Variants in SNX24 observed in about 807,000 individuals in gnomAD.
SNX24 encodes the protein sorting nexin-24.
SNX24 carries 22 observed loss-of-function variants against 28.7 expected under a neutral mutation model. That is an observed-to-expected ratio of 0.77 (90% confidence interval 0.55 to 1.10). The LOEUF is 1.10. Ranked by LOEUF, SNX24 falls within the 50% of genes least tolerant of loss-of-function variation. The probability of loss-of-function intolerance (pLI) is 0.00; values close to 1 mark genes in which losing one functional copy is unlikely to be tolerated. For synonymous variants in SNX24, 69 were observed against 71.5 expected (o/e 0.96, Z 0.18); for missense variants, 221 against 201.1 (o/e 1.10, Z -0.60).
intron 3 of SNX24, among the ~76,000 whole-genome samples, chr5:122,982,802 C>T (rs400207): frequency 0.19 from 28,729 of 152,074 alleles, 3,607 homozygotes; most frequent in Non-Finnish European, 0.29. Context: ...TAAAAACTGA[C>T]ATTAAATTTA....
intron 1 of SNX24, among the ~76,000 whole-genome samples, chr5:122,903,558 T>A (rs1391343645): frequency 6.6e-6 from 1 of 152,216 alleles, no homozygotes. Context: ...TCTAATTATC[T>A]CCTGTGGACT....
chr5:122,955,470 C>G (rs1029526774), intron 3 of SNX24, among the ~76,000 whole-genome samples: 1 of 152,142 alleles, frequency 6.6e-6, no homozygotes, highest in Non-Finnish European at 1.5e-5. Flanking sequence ...GAATCTTATA[C>G]ATTTTTATAA....
chr5:123,010,306 T>C (rs954264217), downstream of SNX24, among the ~76,000 whole-genome samples: 2 of 145,426 alleles, frequency 1.4e-5, no homozygotes, highest in African/African-American at 2.5e-5. Flanking sequence ...TTTTTTTTTT[T>C]TGAAGACGGA....
intron 5 of SNX24, chr5:123,028,441 C>T: frequency 4.8e-6 from 1 of 206,518 alleles, no homozygotes; most frequent in African/African-American, 2.3e-5. Flanking sequence ...GGGAACGCAG[C>T]TTCATGTTCC....
intron 1 of SNX24, among the ~76,000 whole-genome samples, chr5:122,913,344 G>GT (rs1757985488): frequency 6.6e-6 from 1 of 151,296 alleles, no homozygotes; most frequent in Non-Finnish European, 1.5e-5. Context: ...GCCGGGCGGG[G>GT]GCTGACCCCC....
At chr5:123,028,901 A>G (rs1762902462) in intron 5 of SNX24, 4 of 1,508,422 alleles carry the variant, frequency 2.7e-6, no homozygotes, top group Non-Finnish European at 3.7e-6. Context: ...ATAACAAGTA[A>G]CAGAGGCCAT....
chr5:122,857,138 A>T (rs1755231768), intron 1 of SNX24, among the ~76,000 whole-genome samples: 1 of 151,864 alleles, frequency 6.6e-6, no homozygotes, highest in Admixed American at 6.6e-5. Context: ...CAGCCTCCCA[A>T]GTAGCTGAGA....
chr5:122,881,275 A>T (rs1312770351), intron 1 of SNX24, among the ~76,000 whole-genome samples: 1 of 152,206 alleles, frequency 6.6e-6, no homozygotes, highest in Non-Finnish European at 1.5e-5. Flanking sequence ...TGTTCATTTT[A>T]TCTTTAAAAT....
At chr5:122,982,405 T>G (rs1178956493) in intron 3 of SNX24, among the ~76,000 whole-genome samples, 1 of 152,226 alleles carries the variant, frequency 6.6e-6, no homozygotes, top group Non-Finnish European at 1.5e-5. Flanking sequence ...ATAATCAACT[T>G]AATTATTTGT....
intron 1 of SNX24, among the ~76,000 whole-genome samples, chr5:122,877,179 A>G (rs1756262674): frequency 6.6e-6 from 1 of 152,082 alleles, no homozygotes; most frequent in African/African-American, 2.4e-5. Flanking sequence ...GGTGGAGATG[A>G]GAGAATGCCC....
At chr5:122,944,889 G>A (rs188428927) in intron 2 of SNX24, among the ~76,000 whole-genome samples, 2 of 152,060 alleles carry the variant, frequency 1.3e-5, no homozygotes, top group African/African-American at 2.4e-5. Context: ...AAGGAGTAAC[G>A]TTGGTAGGTT....
chr5:122,912,250 C>T (rs201676914), intron 1 of SNX24, among the ~76,000 whole-genome samples: 14,088 of 132,028 alleles, frequency 0.11, 958 homozygotes, highest in East Asian at 0.33. Context: ...TGGGAGTTCA[C>T]TCACGATTTG....
intron 5 of SNX24, chr5:123,025,829 C>T (rs775904353): frequency 3.1e-6 from 5 of 1,613,992 alleles, no homozygotes; most frequent in African/African-American, 1.3e-5. Flanking sequence ...TGCCGTCCAA[C>T]CAGGTGGGCT....
chr5:122,847,500 C>CTCTTTTTTT (rs1754693489), intron 1 of SNX24, among the ~76,000 whole-genome samples: 6 of 36,974 alleles, frequency 1.6e-4, no homozygotes. Flanking sequence ...ATCTCTCTCT[C>CTCTTTTTTT]TCTTTTTTTT....
intron 3 of SNX24, among the ~76,000 whole-genome samples, chr5:122,990,911 T>C (rs1309929628): frequency 6.6e-6 from 1 of 152,184 alleles, no homozygotes; most frequent in Admixed American, 6.5e-5. Context: ...TATTTATGTA[T>C]TTATTGTTGA....
intron 2 of SNX24, among the ~76,000 whole-genome samples, chr5:122,945,827 T>C (rs1759657529): frequency 6.6e-6 from 1 of 152,148 alleles, no homozygotes; most frequent in Admixed American, 6.5e-5. Context: ...TCAACAATAA[T>C]ACCTACCAAA....
downstream of SNX24, among the ~76,000 whole-genome samples, chr5:123,013,036 T>G (rs190406026): frequency 3.9e-4 from 59 of 152,306 alleles, no homozygotes; most frequent in African/African-American, 1.4e-3. Context: ...TCCTTCAGAA[T>G]CCAGTACCAA....
chr5:123,009,738 A>C (rs1762529940), downstream of SNX24, among the ~76,000 whole-genome samples: 1 of 152,234 alleles, frequency 6.6e-6, no homozygotes, highest in Non-Finnish European at 1.5e-5. Context: ...TATAATGCTG[A>C]AAACTGAATG....
At chr5:123,000,423 C>T (rs1185466954) in intron 4 of SNX24, among the ~76,000 whole-genome samples, 1 of 152,214 alleles carries the variant, frequency 6.6e-6, no homozygotes, top group Non-Finnish European at 1.5e-5. Context: ...TGCAACTCCT[C>T]TCATTTTGTA....
Sources: allele counts gnomAD v4.1 joint callset (sites outside exome capture counted in the v4.1 genomes callset), GRCh38; gene constraint gnomAD v4.1.1; transcripts MANE v1.5; gene names NCBI Gene and HGNC (gene_info 2026-07-23, HGNC 2026-07-21).